The following PAQR3 variants were observed in gnomAD, a reference collection of about 807,000 sequenced individuals.
PAQR3 encodes the protein Raf kinase trapping to Golgi.
A neutral mutation model predicts 41.7 loss-of-function variants in PAQR3; 39 were observed. The ratio of observed to expected loss-of-function variants is 0.93; its 90% CI spans 0.72 to 1.22. PAQR3 has a LOEUF of 1.22. Among genes scored for constraint, PAQR3 ranks in the 50% most tolerant of loss-of-function variants. The pLI, the probability that PAQR3 is intolerant of heterozygous loss-of-function variation, is 0.00. For synonymous variants in PAQR3, 140 were observed against 140.6 expected, an observed-to-expected ratio of 1.00 and a Z score of 0.03; for missense variants, 366 against 385.6, an observed-to-expected ratio of 0.95 and a Z score of 0.42.
downstream of PAQR3, among the ~76,000 whole-genome samples, chr4:78,907,420 A>G (rs1734340786): frequency 6.6e-6 from 1 of 152,352 alleles, no homozygotes; most frequent in South Asian, 2.1e-4. Context: ...GCGAATTTAA[A>G]TTCACTTCCA....
At chr4:78,938,978 C>T (rs531156474) in intron 1 of PAQR3, 62 bp downstream of exon 1, 2 of 1,442,284 alleles carry the variant, frequency 1.4e-6, no homozygotes, top group African/African-American at 2.9e-5. Context: ...AGAAGGGGGA[C>T]CAGACAAAAA....
Position 78,912,425 on chromosome 4 carries a change from C to G in PAQR3, c.*8114G>C, listed in dbSNP as rs115660542. ...CATATCCCTAAAATTAGGGTTATTTCTACATACACTAGTTACACTTGTGAA... is the reference window on the plus strand; with the variant it reads ...CATATCCCTAAAATTAGGGTTATTTGTACATACACTAGTTACACTTGTGAA... On this transcript the variant is annotated 3_prime_UTR_variant, in exon 6 of 6. Coordinates refer to ENST00000512733, the MANE Select transcript of PAQR3 (RefSeq NM_001040202.2). The G allele has an allele frequency of 6.0e-6, 1 of 165,978 alleles. No homozygotes were observed. Among genetic ancestry groups the G allele is most frequent in the East Asian group, 1.7e-4 (1 of 5,802 alleles). 10.3% of individuals were successfully genotyped at this position (165,978 alleles called of 1,614,324 possible).
intron 3 of PAQR3, among the ~76,000 whole-genome samples, chr4:78,928,155 G>T (rs1736439003): frequency 6.6e-6 from 1 of 152,170 alleles, no homozygotes. Flanking sequence ...TTAGCAAGAG[G>T]TAAACAGAAA....
chr4:78,920,091 A>C lies in PAQR3; in HGVS notation c.*448T>G, dbSNP rs1050474147. ...ATTTTAGTGATTATTTAAAATCACT[A>C]TCCTAGCTTGCATTAAGCATAGGCT... On this transcript the variant is annotated 3_prime_UTR_variant, in exon 6 of 6. Coordinates refer to ENST00000512733, the MANE Select transcript of PAQR3 (RefSeq NM_001040202.2). 1.7e-5 allele frequency: 17 copies of C among 985,744 alleles called. No individual in the cohort carries two copies. The African/African-American group carries it at 2.6e-4, about 15-fold the overall frequency. 61.1% of individuals were successfully genotyped at this position (985,744 alleles called of 1,614,324 possible). A position where few individuals can be genotyped will look rare whatever the true frequency, so the allele number is the denominator to read the frequency against.
chr4:78,893,770 G>T (rs1733563078), intron 11 of PAQR3, among the ~76,000 whole-genome samples: 1 of 152,110 alleles, frequency 6.6e-6, no homozygotes, highest in Admixed American at 6.6e-5. Context: ...TCACTATGTT[G>T]CCCAGGTTCG....
chr4:78,937,291 T>C (rs1194874525), intron 1 of PAQR3, among the ~76,000 whole-genome samples: 1 of 152,194 alleles, frequency 6.6e-6, no homozygotes, highest in African/African-American at 2.4e-5. Flanking sequence ...TTAAACTGCA[T>C]GCTTTCTGCA....
chr4:78,911,196 C>T, downstream of PAQR3: 1 of 1,613,788 alleles, frequency 6.2e-7, no homozygotes, highest in Non-Finnish European at 8.5e-7. Flanking sequence ...TCCCTCAACA[C>T]AGGTTTCCTG....
rs1386646420 is a variant in PAQR3 at position 78,918,933 on chromosome 4, T to G, written c.*1606A>C. 1.0e-6 allele frequency: 1 copy of G among 984,940 alleles called. No homozygotes were observed. The highest frequency in any genetic ancestry group is 1.7e-5 in the African/African-American group (1 of 57,196). The allele number at this position is 984,940 out of a possible 1,614,324, so 61.0% of individuals were successfully genotyped here. A position where few individuals can be genotyped will look rare whatever the true frequency, so the allele number is the denominator to read the frequency against. ...TATCACTTAACATATGGATCAAAAT[T>G]TTAACCTTATAAGGTAAAACAGCCA... On this transcript the variant is annotated 3_prime_UTR_variant, in exon 6 of 6. Transcript: ENST00000512733.
At position 78,919,452 on chromosome 4, in the gene PAQR3, G is replaced by A; in HGVS notation, c.*1087C>T. ...AATAAAAAGAAAGTTTAATGCTTCAGGCCCAAATATTAAGTGTTTATCAAG... is the reference window on the plus strand; with the variant it reads ...AATAAAAAGAAAGTTTAATGCTTCAAGCCCAAATATTAAGTGTTTATCAAG... On this transcript the variant is annotated 3_prime_UTR_variant, in exon 6 of 6. Transcript: ENST00000512733. 1 of 984,750 alleles carries A rather than the reference G, an allele frequency of 1.0e-6. No homozygotes were observed. Among genetic ancestry groups the A allele is most frequent in the East Asian group, 1.1e-4 (1 of 8,814 alleles). The allele number at this position is 984,750 out of a possible 1,614,324, so 61.0% of individuals were successfully genotyped here.
At chr4:78,897,745 T>C (rs1326431933) in intron 11 of PAQR3, among the ~76,000 whole-genome samples, 16 of 152,178 alleles carry the variant, frequency 1.1e-4, no homozygotes, top group Admixed American at 7.2e-4. Context: ...CCTTCTAATT[T>C]CCCAGCCGTG....
At chr4:78,907,775 C>T (rs1327165335), downstream of PAQR3, among the ~76,000 whole-genome samples, 3 of 152,050 alleles carry the variant, frequency 2.0e-5, no homozygotes, top group Non-Finnish European at 4.4e-5. Context: ...TGTCTTGGTT[C>T]TTGTTAGGGA....
intron 11 of PAQR3, among the ~76,000 whole-genome samples, chr4:78,890,442 C>T (rs75274250): frequency 6.6e-6 from 1 of 151,698 alleles, no homozygotes; most frequent in Non-Finnish European, 1.5e-5. Flanking sequence ...CCTGTCCTTA[C>T]ATCCAGCATG....
At chr4:78,924,841 A>G (rs573979030) in intron 4 of PAQR3, among the ~76,000 whole-genome samples, 1 of 152,164 alleles carries the variant, frequency 6.6e-6, no homozygotes, top group South Asian at 2.1e-4. Context: ...ACTCTGTTTC[A>G]AAGAAATAAA....
At chr4:78,921,747 C>T in intron 5 of PAQR3, 7 of 984,006 alleles carry the variant, frequency 7.1e-6, no homozygotes, top group Non-Finnish European at 6.0e-6. Context: ...TCCCAGTGGC[C>T]AGGTCATACA....
At chr4:78,923,799 A>G (rs1271637493) in intron 5 of PAQR3, 58 bp downstream of exon 5, 8 of 1,117,040 alleles carry the variant, frequency 7.2e-6, no homozygotes, top group Non-Finnish European at 1.1e-5. Flanking sequence ...TCTGATGCAT[A>G]TACCTTGGGC....
intron 3 of PAQR3, among the ~76,000 whole-genome samples, chr4:78,927,467 T>C (rs1409089804): frequency 1.3e-5 from 2 of 151,982 alleles, no homozygotes; most frequent in African/African-American, 4.8e-5. Flanking sequence ...AAAGAGAGAG[T>C]GGGGGCTTGG....
chr4:78,896,448 T>G (rs1733706269), intron 11 of PAQR3, among the ~76,000 whole-genome samples: 1 of 152,194 alleles, frequency 6.6e-6, no homozygotes, highest in Non-Finnish European at 1.5e-5. Flanking sequence ...ACCTACTTGC[T>G]GTGTGTATCA....
intron 2 of PAQR3, among the ~76,000 whole-genome samples, chr4:78,931,128 T>G (rs1736830135): frequency 6.9e-6 from 1 of 145,156 alleles, no homozygotes; most frequent in South Asian, 2.2e-4. Context: ...GGTGGGAGGA[T>G]CTCTTGAGCG....
At chr4:78,911,038 G>T, downstream of PAQR3, 1 of 1,613,814 alleles carries the variant, frequency 6.2e-7, no homozygotes, top group Non-Finnish European at 8.5e-7. Context: ...ACCAACCCAA[G>T]ATCTTAATAC....
Sources: allele counts gnomAD v4.1 joint callset (sites outside exome capture counted in the v4.1 genomes callset), GRCh38; gene constraint gnomAD v4.1.1; transcripts MANE v1.5; gene names NCBI Gene and HGNC (gene_info 2026-07-23, HGNC 2026-07-21).